The following SCAP variants were observed in gnomAD, a reference collection of about 807,000 sequenced individuals.
The protein encoded by SCAP is sterol regulatory element-binding protein cleavage-activating protein.
In SCAP, 65 loss-of-function variants were observed where a neutral mutation model predicts 123.6. The observed-to-expected ratio is 0.53, with a 90% CI of 0.43 to 0.65. The LOEUF (loss-of-function observed/expected upper bound fraction) is 0.65. Among genes scored for constraint, SCAP ranks in the 30% least tolerant of loss-of-function variants. The pLI is 0.00. For missense variants in SCAP, 1,398 were observed against 1,712.5 expected, an observed-to-expected ratio of 0.82 and a Z score of 3.24; for synonymous variants, 740 against 726.3, an observed-to-expected ratio of 1.02 and a Z score of -0.30.
chr3:47,423,217 A>C (rs1705984648), intron 9 of SCAP, among the ~76,000 whole-genome samples: 1 of 152,216 alleles, frequency 6.6e-6, no homozygotes, highest in African/African-American at 2.4e-5. Flanking sequence ...CCAGGCCTCC[A>C]AGGCCAGGCT....
intron 1 of SCAP, among the ~76,000 whole-genome samples, chr3:47,451,394 CTTTT>C (rs10712274): frequency 1.5e-4 from 6 of 41,370 alleles, no homozygotes; most frequent in Non-Finnish European, 1.5e-4. Flanking sequence ...CCTGGAATGC[CTTTT>C]TTTTTTTTTT....
At position 47,431,009 on chromosome 3, in the gene SCAP, G is replaced by C. The variant is rs201890887; in HGVS notation, c.253-2339C>G. 1.2e-4 allele frequency among the ~76,000 whole-genome samples: 18 copies of C among 152,262 alleles called. No homozygotes were observed. In the East Asian group the frequency reaches 3.3e-3, roughly 28 times the overall value. The stretch of plus-strand genomic sequence containing the variant: ...AAGGAACAACCAGAGGCAACCGTCT[G>C]AGCCTTTGTGAACTTTATGTGGCTG... On this transcript the variant is annotated intron_variant, in intron 3 of 22. Transcript: ENST00000265565.
intron 1 of SCAP, among the ~76,000 whole-genome samples, chr3:47,455,067 A>G (rs1200315847): frequency 9.7e-5 from 1 of 10,352 alleles, no homozygotes; most frequent in Non-Finnish European, 1.9e-4. Flanking sequence ...AATTACATAT[A>G]TATATATATA....
At chr3:47,465,057 A>G (rs1211029693) in intron 1 of SCAP, among the ~76,000 whole-genome samples, 3 of 152,234 alleles carry the variant, frequency 2.0e-5, no homozygotes, top group African/African-American at 7.2e-5. Flanking sequence ...AATAAATTTA[A>G]GCAAGGGAGA....
intron 2 of SCAP, among the ~76,000 whole-genome samples, chr3:47,441,761 C>A (rs1706812585): frequency 6.6e-6 from 1 of 151,826 alleles, no homozygotes; most frequent in African/African-American, 2.4e-5. Flanking sequence ...AGACAAATCT[C>A]TAAGTCCCTA....
At position 47,422,429 on chromosome 3, in the gene SCAP, C is replaced by T; in HGVS notation, c.1245+13G>A. The T allele has an allele frequency of 6.2e-7, 1 of 1,611,722 alleles. No individual in the cohort carries two copies. Among genetic ancestry groups the T allele is most frequent in the East Asian group, 2.2e-5 (1 of 44,866 alleles). ...TTCCATGCTCATCCAGGTGGCAGGC[C>T]TTGGGGCCTTACCTGGATGGCGGGC... On this transcript the variant is annotated intron_variant, in intron 10 of 22. Transcript: ENST00000265565.
At chr3:47,436,082 A>G (rs1706567381) in intron 2 of SCAP, among the ~76,000 whole-genome samples, 1 of 152,140 alleles carries the variant, frequency 6.6e-6, no homozygotes, top group Non-Finnish European at 1.5e-5. Context: ...TAATAAAAGC[A>G]AGATGCTAAA....
rs758670894 is a variant in SCAP, at chr3:47,418,302, C to A, written c.2331+19G>T. The A allele has an allele frequency of 6.4e-7, 1 of 1,554,322 alleles. No homozygotes were observed. Among genetic ancestry groups the A allele is most frequent in the South Asian group, 1.2e-5 (1 of 84,528 alleles). ...CAGGCTCCGGCCCTCCCCTACCCGG[C>A]CACTGTGCCCCTGCTCACCATGAGG... On this transcript the variant is annotated intron_variant, in intron 15 of 22. Coordinates refer to ENST00000265565, the MANE Select transcript of SCAP (RefSeq NM_012235.4).
chr3:47,425,734 G>A (rs958382714), intron 7 of SCAP, 123 bp from the exon 8 acceptor site: 3 of 1,114,806 alleles, frequency 2.7e-6, no homozygotes, highest in Non-Finnish European at 3.9e-6. Context: ...CCAAAGGAAA[G>A]GGACAGGCAC....
chr3:47,432,105 T>C (rs1706381268), intron 3 of SCAP, among the ~76,000 whole-genome samples: 1 of 151,882 alleles, frequency 6.6e-6, no homozygotes, highest in Non-Finnish European at 1.5e-5. Context: ...AATCACAAGA[T>C]CAGGAGATCA....
chr3:47,415,577 C>T (rs1426489133), intron 18 of SCAP, among the ~76,000 whole-genome samples: 2 of 152,098 alleles, frequency 1.3e-5, no homozygotes, highest in East Asian at 1.9e-4. Context: ...TTGGGTGTTG[C>T]GGAAGCCTGC....
chr3:47,456,440 A>T (rs941673600), intron 1 of SCAP, among the ~76,000 whole-genome samples: 2 of 152,128 alleles, frequency 1.3e-5, no homozygotes, highest in Non-Finnish European at 2.9e-5. Context: ...TTCCAAATAG[A>T]GAAAAGATTT....
At chr3:47,415,511 A>G (rs1705533742) in intron 18 of SCAP, among the ~76,000 whole-genome samples, 1 of 152,162 alleles carries the variant, frequency 6.6e-6, no homozygotes, top group African/African-American at 2.4e-5. Flanking sequence ...GGCTCCATGT[A>G]GCCTGGAGCT....
rs1312829854 is a variant in SCAP at position 47,443,036 on chromosome 3, T to C, written c.-43A>G. ...TTGCTGCCATCCCGGAAAGTGACCA[T>C]GGATCACCCTGGCACACACTTGACA... On this transcript the variant is annotated 5_prime_UTR_variant, in exon 2 of 23. It removes an upstream start codon present in the reference 5' UTR. Coordinates refer to ENST00000265565, the MANE Select transcript of SCAP (RefSeq NM_012235.4). The C allele has an allele frequency of 1.2e-6, 2 of 1,611,598 alleles. No individual in the cohort carries two copies. The highest frequency in any genetic ancestry group is 1.3e-5 in the African/African-American group (1 of 74,840).
At chr3:47,449,178 G>GC (rs375979759) in intron 1 of SCAP, among the ~76,000 whole-genome samples, 28 of 128,126 alleles carry the variant, frequency 2.2e-4, no homozygotes, top group Admixed American at 5.9e-4. Context: ...CCTTTGGTAT[G>GC]CTGTTTAGGG....
In SCAP at chr3:47,414,602, T is replaced by C. The variant is rs1163182878; in HGVS notation, c.3357A>G (p.Ser1119=). The change falls in exon 21 of 23, where the codon TCA becomes TCG. Residue 1119 remains serine, a synonymous_variant. Coordinates refer to ENST00000265565, the MANE Select transcript of SCAP (RefSeq NM_012235.4). ...CAATGTACACGGTCGTGATGGCCCCTGAGTGGCCCTGAAGGGTGAAGAGGC... is the reference window on the plus strand; with the variant it reads ...CAATGTACACGGTCGTGATGGCCCCCGAGTGGCCCTGAAGGGTGAAGAGGC... ...SCCLFTLQGH[S]GAITTVYIDQ... is the part of the protein sequence containing the mutation. 1 of 1,613,360 alleles carries C rather than the reference T, an allele frequency of 6.2e-7. No individual in the cohort carries two copies. Among genetic ancestry groups the C allele is most frequent in the Non-Finnish European group, 8.5e-7 (1 of 1,179,988 alleles).
At chr3:47,440,951 G>A (rs1186837675) in intron 2 of SCAP, among the ~76,000 whole-genome samples, 2 of 151,678 alleles carry the variant, frequency 1.3e-5, no homozygotes, top group Non-Finnish European at 2.9e-5. Flanking sequence ...CGCCAGGCTA[G>A]AGTGCAGTGG....
At chr3:47,431,997 TCAATA>T (rs965442317) in intron 3 of SCAP, among the ~76,000 whole-genome samples, 1 of 152,134 alleles carries the variant, frequency 6.6e-6, no homozygotes, top group Non-Finnish European at 1.5e-5. Context: ...GGGTCTTAAT[TCAATA>T]CCAGTTTATT....
rs1707174467 is a variant in SCAP at position 47,449,686 on chromosome 3, GCA to G, written c.-98-6597_-98-6596del. Among the ~76,000 whole-genome samples, 4 of 124,796 alleles carry G rather than the reference GCA, an allele frequency of 3.2e-5. 2 individuals are homozygous for G. 81.9% of individuals were successfully genotyped at this position (124,796 alleles called of 152,430 possible). A position where few individuals can be genotyped will look rare whatever the true frequency, so the allele number is the denominator to read the frequency against. ...TTAGACCTCTTTCTGTGCACATCCA[GCA>G]CACATTTCCAGGTTTGGGGCTGACT... On this transcript the variant is annotated intron_variant, in intron 1 of 22. Transcript: ENST00000265565.
Sources: gnomAD v4.1 joint callset for allele counts (sites outside exome capture counted in the v4.1 genomes callset) on GRCh38, gnomAD v4.1.1 for gene constraint, MANE v1.5 for transcripts, NCBI Gene and HGNC (gene_info 2026-07-23, HGNC 2026-07-21) for gene names.